Variants in LAPTM5 observed in about 807,000 individuals in gnomAD.
LAPTM5 encodes the protein lysosomal-associated transmembrane protein 5.
A neutral mutation model predicts 30.1 loss-of-function variants in LAPTM5; 11 were observed. That is an observed-to-expected ratio of 0.37 (90% CI 0.23 to 0.60). The LOEUF (loss-of-function observed/expected upper bound fraction) is 0.60, where lower values mean the gene tolerates loss of function less well. Among genes scored for constraint, LAPTM5 ranks in the 20% least tolerant of loss-of-function variants. The pLI, the probability that LAPTM5 is intolerant of heterozygous loss-of-function variation, is 0.71. For synonymous variants in LAPTM5, 151 were observed against 137.9 expected, an observed-to-expected ratio of 1.10 and a Z score of -0.67; for missense variants, 324 against 332.5, an observed-to-expected ratio of 0.97 and a Z score of 0.20.
chr1:30,736,854 C>A (rs577051122), intron 6 of LAPTM5, among the ~76,000 whole-genome samples: 27 of 152,316 alleles, frequency 1.8e-4, no homozygotes, highest in Admixed American at 4.6e-4. Flanking sequence ...AGGCCACAGG[C>A]CCCCATTGTG....
rs1289725853 is a variant in LAPTM5 at position 30,733,892 on chromosome 1, G to C, written c.725C>G (p.Ala242Gly). Residue 242 changes from alanine (A) to glycine (G), a missense_variant, in exon 8 of 8, where the codon GCC becomes GGC. Ala to Gly is a moderately conservative substitution (Grantham distance 60). Coordinates refer to ENST00000294507, the MANE Select transcript of LAPTM5 (RefSeq NM_006762.3). Reference sequence around the variant, plus strand: ...TGGGGTCTTCGATGGCAAAGACAGGGCTTCCTCGTAGGACGGCAGGACCAC... The same window carrying C: ...TGGGGTCTTCGATGGCAAAGACAGGCCTTCCTCGTAGGACGGCAGGACCAC... The part of the protein sequence containing the change: ...QKVVLPSYEE[A>G]LSLPSKTPEG... The C allele has an allele frequency of 6.2e-7, 1 of 1,611,720 alleles. No individual in the cohort carries two copies. Among genetic ancestry groups the C allele is most frequent in the South Asian group, 1.1e-5 (1 of 90,944 alleles).
At position 30,741,649 on chromosome 1, in the gene LAPTM5, G is replaced by GCC; in HGVS notation, c.247_248dup (p.Val84AlafsTer2). The GCC allele has an allele frequency of 6.2e-7, 1 of 1,602,254 alleles. No individual in the cohort carries two copies. Among genetic ancestry groups the GCC allele is most frequent in the Non-Finnish European group, 8.5e-7 (1 of 1,174,348 alleles). ...GCTCCTGAGCCCTCACCTTGACTAC[G>GCC]CCGATCAGTAGGCTCAGGCTGATGA... On this transcript the variant is annotated frameshift_variant, in exon 3 of 8. Coordinates refer to ENST00000294507, the MANE Select transcript of LAPTM5 (RefSeq NM_006762.3). LOFTEE classifies it high-confidence loss of function.
chr1:30,755,209 A>G (rs1047615208), intron 1 of LAPTM5, among the ~76,000 whole-genome samples: 1 of 151,724 alleles, frequency 6.6e-6, no homozygotes, highest in Non-Finnish European at 1.5e-5. Flanking sequence ...ATTGGGCCCC[A>G]TAACTAGAGA....
At chr1:30,738,337 C>G (rs761257463) in intron 5 of LAPTM5, among the ~76,000 whole-genome samples, 2 of 152,184 alleles carry the variant, frequency 1.3e-5, no homozygotes, top group Admixed American at 6.5e-5. Flanking sequence ...GGGAAGCCAG[C>G]AGCCATGTCA....
intron 1 of LAPTM5, among the ~76,000 whole-genome samples, chr1:30,756,692 G>C (rs1233563541): frequency 6.6e-6 from 1 of 152,228 alleles, no homozygotes; most frequent in Non-Finnish European, 1.5e-5. Flanking sequence ...GGAAGCAGAC[G>C]CAGGCAGGTC....
At position 30,735,250 on chromosome 1, in the gene LAPTM5, A is replaced by T; in HGVS notation, c.622T>A (p.Cys208Ser). The change falls in exon 7 of 8, where the codon TGC becomes AGC. Residue 208 changes from cysteine (C) to serine (S), a missense_variant. Coordinates refer to ENST00000294507, the MANE Select transcript of LAPTM5 (RefSeq NM_006762.3). ...VLIFKVYMFK[C>S]VWRCYRLIKC... ...ATCAATCTGTAGCACCGCCACACGCACTTGAACATGTAGACCTGGAAAAAG... is the reference window on the plus strand; with the variant it reads ...ATCAATCTGTAGCACCGCCACACGCTCTTGAACATGTAGACCTGGAAAAAG... The T allele has an allele frequency of 6.2e-7, 1 of 1,613,978 alleles. No homozygotes were observed. Among genetic ancestry groups the T allele is most frequent in the Non-Finnish European group, 8.5e-7 (1 of 1,179,970 alleles).
At chr1:30,749,739 A>G (rs1332652782) in intron 1 of LAPTM5, among the ~76,000 whole-genome samples, 1 of 152,168 alleles carries the variant, frequency 6.6e-6, no homozygotes, top group Non-Finnish European at 1.5e-5. Context: ...CAATGGAAAA[A>G]GTGTTCCAGG....
intron 5 of LAPTM5, 26 bp downstream of exon 5, chr1:30,738,914 G>A: frequency 1.3e-6 from 2 of 1,586,038 alleles, no homozygotes; most frequent in African/African-American, 2.7e-5. Context: ...CCAGCAAATG[G>A]GCATGGTTCC....
Position 30,737,589 on chromosome 1 carries a change from C to A in LAPTM5, c.606+15G>T. 6.3e-7 allele frequency: 1 copy of A among 1,593,920 alleles called. No homozygotes were observed. Among genetic ancestry groups the A allele is most frequent in the Non-Finnish European group, 8.6e-7 (1 of 1,162,796 alleles). ...CACCACCCCTCCCAGAGCCGCAGGG[C>A]AGGGATCCACTCACCTTGAAGATAA... On this transcript the variant is annotated intron_variant, in intron 6 of 7. Transcript: ENST00000294507.
At chr1:30,741,175 T>C (rs928426271) in intron 3 of LAPTM5, among the ~76,000 whole-genome samples, 1 of 152,028 alleles carries the variant, frequency 6.6e-6, no homozygotes, top group African/African-American at 2.4e-5. Context: ...AGGGCGTAGG[T>C]CCCCCTCAGG....
intron 6 of LAPTM5, among the ~76,000 whole-genome samples, chr1:30,736,024 A>G (rs1021901942): frequency 6.6e-6 from 1 of 152,162 alleles, no homozygotes; most frequent in African/African-American, 2.4e-5. Context: ...CAAAGAGGGA[A>G]GCCCCTCATT....
At chr1:30,742,418 C>T (rs1639983474) in intron 2 of LAPTM5, 38 bp downstream of exon 2, 5 of 1,491,516 alleles carry the variant, frequency 3.4e-6, no homozygotes, top group African/African-American at 2.8e-5. Flanking sequence ...TCCCTGTCCT[C>T]CTCCCCCCGC....
chr1:30,742,410 C>G (rs759679492), intron 2 of LAPTM5, 46 bp downstream of exon 2: 1 of 1,421,496 alleles, frequency 7.0e-7, no homozygotes, highest in South Asian at 1.2e-5. Context: ...CAGGGCCCTC[C>G]CTGTCCTCCT....
chr1:30,747,477 A>G (rs1640065370), intron 1 of LAPTM5, among the ~76,000 whole-genome samples: 1 of 151,376 alleles, frequency 6.6e-6, no homozygotes, highest in Non-Finnish European at 1.5e-5. Flanking sequence ...CACCCTTCCC[A>G]CCCCCACTCT....
Position 30,757,711 on chromosome 1 carries a change from C to T in LAPTM5, c.35G>A (p.Cys12Tyr). ...TGCGATGCGGACATTGAAGCAGCAGCAGGTCTGGCGGACAGTGGACAAGCG... is the reference window on the plus strand; with the variant it reads ...TGCGATGCGGACATTGAAGCAGCAGTAGGTCTGGCGGACAGTGGACAAGCG... ...DPRLSTVRQT[C>Y]CCFNVRIATT... Residue 12 changes from cysteine (C) to tyrosine (Y), a missense_variant, in exon 1 of 8, where the codon TGC (cysteine) becomes TAC (tyrosine). Transcript: ENST00000294507. The T allele has an allele frequency of 6.2e-7, 1 of 1,613,878 alleles. No homozygotes were observed. The highest frequency in any genetic ancestry group is 8.5e-7 in the Non-Finnish European group (1 of 1,180,026).
intron 1 of LAPTM5, among the ~76,000 whole-genome samples, chr1:30,749,323 T>G (rs3790497): frequency 0.13 from 19,462 of 152,034 alleles, 1,591 homozygotes; most frequent in East Asian, 0.26. Context: ...CAGGCAGAAG[T>G]CAGTGGGGGC....
At chr1:30,738,367 C>T (rs1333318705) in intron 5 of LAPTM5, among the ~76,000 whole-genome samples, 1 of 152,202 alleles carries the variant, frequency 6.6e-6, no homozygotes, top group African/African-American at 2.4e-5. Flanking sequence ...TCAAGCAGCA[C>T]TACTACAAGT....
chr1:30,751,247 A>T (rs2124197865), intron 1 of LAPTM5, among the ~76,000 whole-genome samples: 1 of 152,342 alleles, frequency 6.6e-6, no homozygotes, highest in Non-Finnish European at 1.5e-5. Flanking sequence ...AGGAGGGGCT[A>T]CAACTCCCAC....
intron 6 of LAPTM5, among the ~76,000 whole-genome samples, 167 bp downstream of exon 6, chr1:30,737,437 G>A (rs1221952015): frequency 6.6e-6 from 1 of 152,184 alleles, no homozygotes; most frequent in African/African-American, 2.4e-5. Flanking sequence ...AGGATCCCAA[G>A]TAAAGTCAGA....
Sources: allele counts gnomAD v4.1 joint callset (sites outside exome capture counted in the v4.1 genomes callset), GRCh38; gene constraint gnomAD v4.1.1; transcripts MANE v1.5; gene names NCBI Gene and HGNC (gene_info 2026-07-23, HGNC 2026-07-21).